Variants in DUSP22 observed in about 807,000 individuals in gnomAD.
The protein encoded by DUSP22 is dual specificity phosphatase 22.
A neutral mutation model predicts 24.5 loss-of-function variants in DUSP22; 24 were observed. The observed-to-expected ratio is 0.98, with a 90% CI of 0.71 to 1.38. The LOEUF is 1.38. Among genes scored for constraint, DUSP22 ranks in the 40% most tolerant of loss-of-function variants. The probability of loss-of-function intolerance (pLI) is 0.00; values close to 1 mark genes in which losing one functional copy is unlikely to be tolerated. For missense variants in DUSP22, 330 were observed against 269.2 expected (o/e 1.23, Z -1.58); for synonymous variants, 160 against 106.4 (o/e 1.50, Z -3.10).
chr6:332,375 G>C (rs562304682), intron 3 of DUSP22, among the ~76,000 whole-genome samples: 1 of 152,306 alleles, frequency 6.6e-6, no homozygotes, highest in African/African-American at 2.4e-5. Flanking sequence ...ATGGCCAAGA[G>C]CTGCCTCCTC....
chr6:345,767 TAAGA>T, intron 4 of DUSP22, 83 bp from the exon 5 acceptor site: 1 of 1,507,222 alleles, frequency 6.6e-7, no homozygotes, highest in East Asian at 2.3e-5. Context: ...ATTAACATTT[TAAGA>T]AAGAAGCCTC....
intron 3 of DUSP22, among the ~76,000 whole-genome samples, chr6:316,441 GC>G (rs1370014895): frequency 6.6e-6 from 1 of 152,296 alleles, no homozygotes; most frequent in African/African-American, 2.4e-5. Context: ...TCAGGGAGTT[GC>G]CCCTGTGTGC....
At chr6:343,098 C>T (rs1281883379) in intron 4 of DUSP22, among the ~76,000 whole-genome samples, 10 of 151,946 alleles carry the variant, frequency 6.6e-5, no homozygotes, top group East Asian at 5.8e-4. Context: ...GAGTGTCCTT[C>T]GGCACTGATA....
intron 4 of DUSP22, among the ~76,000 whole-genome samples, chr6:335,991 G>C (rs1759346818): frequency 6.6e-6 from 1 of 152,310 alleles, no homozygotes; most frequent in Non-Finnish European, 1.5e-5. Flanking sequence ...CGTGGAGACA[G>C]ATAGGATTAG....
intron 3 of DUSP22, among the ~76,000 whole-genome samples, chr6:331,710 A>G (rs1191974256): frequency 2.0e-5 from 3 of 152,282 alleles, no homozygotes; most frequent in South Asian, 2.1e-4. Context: ...ATGTGCAGGT[A>G]TCTGAAGCTG....
chr6:339,251 T>G lies in DUSP22; in HGVS notation c.188+4088T>G, dbSNP rs896145057. Among the ~76,000 whole-genome samples, 3 of 152,306 alleles carry G rather than the reference T, an allele frequency of 2.0e-5. No homozygotes were observed. The East Asian group carries it at 5.8e-4, about 29-fold the overall frequency. ...TTGGAAATACTCACTTGCTTTTGCTTTCTCTCTGGGATTTCTTAGAAAAGT... is the reference window on the plus strand; with the variant it reads ...TTGGAAATACTCACTTGCTTTTGCTGTCTCTCTGGGATTTCTTAGAAAAGT... On this transcript the variant is annotated intron_variant, in intron 4 of 6. Coordinates refer to ENST00000419235, the MANE Select transcript of DUSP22 (RefSeq NM_001286555.3).
intron 3 of DUSP22, among the ~76,000 whole-genome samples, chr6:322,107 T>C (rs1758620065): frequency 1.4e-5 from 2 of 145,390 alleles, no homozygotes; most frequent in African/African-American, 5.5e-5. Flanking sequence ...ATCATCTACA[T>C]AGTGTATACA....
At chr6:307,348 C>T (rs1366369690) in intron 2 of DUSP22, among the ~76,000 whole-genome samples, 1 of 152,292 alleles carries the variant, frequency 6.6e-6, no homozygotes, top group Non-Finnish European at 1.5e-5. Flanking sequence ...CTTCCTTCTC[C>T]TCTTCCCTCC....
intron 3 of DUSP22, among the ~76,000 whole-genome samples, chr6:324,282 G>T (rs540647519): frequency 1.3e-5 from 2 of 152,302 alleles, no homozygotes; most frequent in Non-Finnish European, 2.9e-5. Flanking sequence ...GCAGCGGCAG[G>T]CGTGGAGAGG....
intron 1 of DUSP22, among the ~76,000 whole-genome samples, chr6:298,672 G>C (rs886120429): frequency 4.0e-4 from 61 of 152,280 alleles, no homozygotes; most frequent in African/African-American, 1.4e-3. Context: ...TCTGCAGAAG[G>C]ATTCTGCCTA....
At chr6:296,479 C>T (rs1054673294) in intron 1 of DUSP22, among the ~76,000 whole-genome samples, 1 of 152,306 alleles carries the variant, frequency 6.6e-6, no homozygotes, top group Non-Finnish European at 1.5e-5. Flanking sequence ...AGATATTAGT[C>T]TAGTAAATGT....
Position 321,433 on chromosome 6 carries a change from G to A in DUSP22, c.138+9471G>A, listed in dbSNP as rs566562924. On this transcript the variant is annotated intron_variant, in intron 3 of 6. Transcript: ENST00000419235. The stretch of plus-strand genomic sequence containing the variant: ...TGTTGTCTCAAGGTTAGAGTGGAGT[G>A]AGGGAGTTGGGTACCCCAGAGACCC... Among the ~76,000 whole-genome samples the A allele has an allele frequency of 2.0e-5, 3 of 152,430 alleles. No homozygotes were observed. The South Asian group carries it at 6.2e-4, about 32-fold the overall frequency.
chr6:317,608 G>A (rs1202221706), intron 3 of DUSP22, among the ~76,000 whole-genome samples: 34 of 152,414 alleles, frequency 2.2e-4, no homozygotes, highest in African/African-American at 5.0e-4. Context: ...CATGAGACAC[G>A]TGTGCACTGT....
At chr6:304,735 TGTATA>T in intron 2 of DUSP22, 74 bp downstream of exon 2, 1 of 1,594,992 alleles carries the variant, frequency 6.3e-7, no homozygotes, top group Non-Finnish European at 8.6e-7. Context: ...CATTTTAAAG[TGTATA>T]GGTCAGTGGC....
intron 3 of DUSP22, among the ~76,000 whole-genome samples, chr6:334,911 A>G (rs1467866121): frequency 6.6e-6 from 1 of 152,306 alleles, no homozygotes; most frequent in Non-Finnish European, 1.5e-5. Context: ...AAACCAAAGC[A>G]GGATTATTTG....
intron 3 of DUSP22, among the ~76,000 whole-genome samples, chr6:321,710 G>T (rs1758596090): frequency 6.6e-6 from 1 of 152,416 alleles, no homozygotes; most frequent in South Asian, 2.1e-4. Flanking sequence ...ATAATAATTA[G>T]GGTAAAGAGG....
intron 4 of DUSP22, among the ~76,000 whole-genome samples, chr6:341,693 G>C (rs1040811674): frequency 8.5e-5 from 13 of 152,312 alleles, no homozygotes; most frequent in Admixed American, 2.6e-4. Flanking sequence ...GCCTGCACAA[G>C]GGCTACGCAG....
At chr6:298,718 C>T (rs1757448831) in intron 1 of DUSP22, among the ~76,000 whole-genome samples, 1 of 152,302 alleles carries the variant, frequency 6.6e-6, no homozygotes, top group African/African-American at 2.4e-5. Context: ...TAACAGAAAA[C>T]AGGAATCTTT....
At position 346,872 on chromosome 6, in the gene DUSP22, A is replaced by G. The variant is rs548699286; in HGVS notation, c.263+944A>G. ...CCCAGGGACCCAGTGCATGACATCC[A>G]GAGAAGCCACCTATGAAAACTATAA... On this transcript the variant is annotated intron_variant, in intron 5 of 6. Transcript: ENST00000419235. Among the ~76,000 whole-genome samples the G allele has an allele frequency of 5.2e-5, 8 of 152,428 alleles. No homozygotes were observed. The South Asian group carries it at 1.7e-3, about 32-fold the overall frequency.
Sources: allele counts gnomAD v4.1 joint callset (sites outside exome capture counted in the v4.1 genomes callset), GRCh38; gene constraint gnomAD v4.1.1; transcripts MANE v1.5; gene names NCBI Gene and HGNC (gene_info 2026-07-23, HGNC 2026-07-21).